ADAMTS19: variants seen among roughly 807,000 people sequenced by gnomAD.
ADAMTS19 encodes the protein ADAM metallopeptidase with thrombospondin type 1 motif 19.
ADAMTS19 carries 93 observed loss-of-function variants against 153.3 expected under a neutral mutation model. That is an observed-to-expected ratio of 0.61 (90% CI 0.51 to 0.72). ADAMTS19 has a LOEUF of 0.72. Among genes scored for constraint, ADAMTS19 ranks in the 30% least tolerant of loss-of-function variants. The probability of loss-of-function intolerance (pLI) is 0.00; values close to 1 mark genes in which losing one functional copy is unlikely to be tolerated. For missense variants in ADAMTS19, 1,482 were observed against 1,552.1 expected, an observed-to-expected ratio of 0.95 and a Z score of 0.76; for synonymous variants, 600 against 556.6, an observed-to-expected ratio of 1.08 and a Z score of -1.10.
At chr5:129,620,444 T>G (rs1008308101) in intron 8 of ADAMTS19, among the ~76,000 whole-genome samples, 174 bp from the exon 9 acceptor site, 9 of 152,090 alleles carry the variant, frequency 5.9e-5, no homozygotes, top group African/African-American at 1.9e-4. Flanking sequence ...GTAACAAAAT[T>G]TAAAAAGTTA....
At chr5:129,574,469 G>A (rs1172110600) in intron 7 of ADAMTS19, among the ~76,000 whole-genome samples, 1 of 151,804 alleles carries the variant, frequency 6.6e-6, no homozygotes, top group Admixed American at 6.6e-5. Context: ...TCCCCTCTCT[G>A]TGTCAATGTG....
At chr5:129,530,962 A>G (rs1752179548) in intron 6 of ADAMTS19, among the ~76,000 whole-genome samples, 1 of 152,176 alleles carries the variant, frequency 6.6e-6, no homozygotes, top group Non-Finnish European at 1.5e-5. Flanking sequence ...TCAAGGCCAC[A>G]TCATGTAAAA....
intron 8 of ADAMTS19, among the ~76,000 whole-genome samples, chr5:129,602,267 T>A (rs998968613): frequency 6.6e-6 from 1 of 152,144 alleles, no homozygotes; most frequent in African/African-American, 2.4e-5. Flanking sequence ...TAATTTTGTA[T>A]TTTTAGTAAA....
intron 19 of ADAMTS19, among the ~76,000 whole-genome samples, chr5:129,696,220 C>T (rs1286882215): frequency 6.6e-6 from 1 of 152,044 alleles, no homozygotes; most frequent in East Asian, 1.9e-4. Context: ...AAGTTTGAGA[C>T]AAGTCTGACC....
intron 19 of ADAMTS19, among the ~76,000 whole-genome samples, chr5:129,699,480 A>T (rs1451006380): frequency 6.6e-6 from 1 of 152,034 alleles, no homozygotes; most frequent in Non-Finnish European, 1.5e-5. Flanking sequence ...TAAAAGTGTT[A>T]TGGATGCTAA....
chr5:129,535,270 GCAGA>G (rs1174284562), intron 6 of ADAMTS19, among the ~76,000 whole-genome samples: 5 of 151,732 alleles, frequency 3.3e-5, no homozygotes, highest in African/African-American at 1.2e-4. Flanking sequence ...TACACCAATA[GCAGA>G]CAAACAGCCA....
chr5:129,545,910 C>T (rs1379498349), intron 6 of ADAMTS19, among the ~76,000 whole-genome samples: 2 of 149,492 alleles, frequency 1.3e-5, no homozygotes, highest in Non-Finnish European at 3.0e-5. Flanking sequence ...GACTATAAAT[C>T]ATGCTGCTAT....
At chr5:129,505,677 A>G (rs1043821334) in intron 2 of ADAMTS19, among the ~76,000 whole-genome samples, 2 of 152,176 alleles carry the variant, frequency 1.3e-5, no homozygotes, top group African/African-American at 4.8e-5. Flanking sequence ...GCTTATTTTC[A>G]CAAAAGCAAT....
chr5:129,583,762 G>A (rs780660844), intron 7 of ADAMTS19, among the ~76,000 whole-genome samples: 5 of 151,440 alleles, frequency 3.3e-5, no homozygotes, highest in African/African-American at 1.2e-4. Context: ...CAGCTCCATC[G>A]CATCATTTCT....
At chr5:129,554,038 C>G (rs1175790450) in intron 7 of ADAMTS19, among the ~76,000 whole-genome samples, 1 of 152,052 alleles carries the variant, frequency 6.6e-6, no homozygotes, top group South Asian at 2.1e-4. Context: ...TTACATAGCA[C>G]TTATCTTGTA....
At chr5:129,598,355 C>T (rs73785214) in intron 8 of ADAMTS19, among the ~76,000 whole-genome samples, 6 of 152,196 alleles carry the variant, frequency 3.9e-5, no homozygotes, top group African/African-American at 1.4e-4. Flanking sequence ...TCTGTACGCA[C>T]TTCAGTAAAG....
intron 21 of ADAMTS19, among the ~76,000 whole-genome samples, chr5:129,730,470 T>C (rs1028569801): frequency 6.6e-6 from 1 of 152,182 alleles, no homozygotes; most frequent in Non-Finnish European, 1.5e-5. Flanking sequence ...TATTCTGCAG[T>C]AAGCTATTGT....
intron 16 of ADAMTS19, among the ~76,000 whole-genome samples, chr5:129,667,193 T>C (rs1754092193): frequency 6.6e-6 from 1 of 152,194 alleles, no homozygotes; most frequent in African/African-American, 2.4e-5. Flanking sequence ...ATAGGACCAC[T>C]GGATGCCACT....
chr5:129,608,116 G>GTGTGTATATATATATATATATATATATA (rs377008786), intron 8 of ADAMTS19, among the ~76,000 whole-genome samples: 22 of 47,936 alleles, frequency 4.6e-4, no homozygotes, highest in Non-Finnish European at 8.5e-4. Context: ...GTGTGTGTGT[G>GTGTGTATATATATATATATATATATATA]TATATATATA....
At chr5:129,462,571 G>C (rs1468618459) in intron 2 of ADAMTS19, among the ~76,000 whole-genome samples, 4 of 151,584 alleles carry the variant, frequency 2.6e-5, no homozygotes, top group Admixed American at 6.6e-5. Context: ...CGATTCAGGG[G>C]TTGGGACAAG....
rs555708812 is a variant in ADAMTS19 at position 129,714,927 on chromosome 5, T to C, written c.3312+10536T>C. 3.7e-4 allele frequency among the ~76,000 whole-genome samples: 56 copies of C among 152,354 alleles called. 1 individual carries two copies. In the South Asian group the frequency reaches 0.011, roughly 30 times the overall value. On this transcript the variant is annotated intron_variant, in intron 21 of 22. Coordinates refer to ENST00000274487, the MANE Select transcript of ADAMTS19 (RefSeq NM_133638.6). ...AATCTGTGTGTCCATTAACTAGTTA[T>C]AGAACTCATGATGCTATTTTAAACA...
At chr5:129,484,356 A>C (rs1437661098) in intron 2 of ADAMTS19, among the ~76,000 whole-genome samples, 1 of 152,128 alleles carries the variant, frequency 6.6e-6, no homozygotes, top group African/African-American at 2.4e-5. Flanking sequence ...CTTCTCTCCA[A>C]CCAATTTTTT....
chr5:129,721,581 C>T (rs1757006087), intron 21 of ADAMTS19, among the ~76,000 whole-genome samples: 2 of 151,924 alleles, frequency 1.3e-5, no homozygotes, highest in South Asian at 2.1e-4. Context: ...AGTGTTAAAC[C>T]AAGGTCTTTT....
intron 7 of ADAMTS19, among the ~76,000 whole-genome samples, chr5:129,592,116 G>A (rs1259991717): frequency 6.6e-6 from 1 of 152,010 alleles, no homozygotes; most frequent in Non-Finnish European, 1.5e-5. Context: ...AGTGGCTCAC[G>A]TTTGTAATCC....
Sources: gnomAD v4.1 joint callset for allele counts (sites outside exome capture counted in the v4.1 genomes callset) on GRCh38, gnomAD v4.1.1 for gene constraint, MANE v1.5 for transcripts, NCBI Gene and HGNC (gene_info 2026-07-23, HGNC 2026-07-21) for gene names.